The following COL5A2 variants were observed in gnomAD, a reference collection of about 807,000 sequenced individuals.
The protein encoded by COL5A2 is collagen type V alpha 2 chain.
In COL5A2, 23 loss-of-function variants were observed where a neutral mutation model predicts 208.2. The observed-to-expected ratio is 0.11, with a 90% CI of 0.08 to 0.16. The LOEUF is 0.16. Among genes scored for constraint, COL5A2 ranks in the 10% least tolerant of loss-of-function variants. The pLI is 1.00. For missense variants in COL5A2, 1,590 were observed against 1,956.4 expected (o/e 0.81, Z 3.53); for synonymous variants, 625 against 628.5 (o/e 0.99, Z 0.08).
intron 1 of COL5A2, among the ~76,000 whole-genome samples, chr2:189,191,155 A>C (rs1440146070): frequency 1.4e-5 from 1 of 70,034 alleles, no homozygotes; most frequent in African/African-American, 3.1e-5. Context: ...AAAAAAACAA[A>C]AAACAAACAA....
At chr2:189,159,371 G>C (rs1052408648) in intron 1 of COL5A2, among the ~76,000 whole-genome samples, 2 of 152,018 alleles carry the variant, frequency 1.3e-5, no homozygotes, top group African/African-American at 4.8e-5. Context: ...TGTCTAACAT[G>C]GTGCTTAGAA....
At chr2:189,273,664 A>G in the COL5A2 span, among the ~76,000 whole-genome samples, 3 of 152,304 alleles carry the variant, frequency 2.0e-5, no homozygotes, top group African/African-American at 7.2e-5. Flanking sequence ...ATGGAATACC[A>G]TTCAGCCCTA....
At chr2:189,144,650 T>C (rs1688004095) in intron 1 of COL5A2, among the ~76,000 whole-genome samples, 1 of 152,000 alleles carries the variant, frequency 6.6e-6, no homozygotes, top group Non-Finnish European at 1.5e-5. Context: ...TATACTTTTA[T>C]CAGAGTTTTT....
chr2:189,417,162 T>A, the COL5A2 span, among the ~76,000 whole-genome samples: 1 of 152,172 alleles, frequency 6.6e-6, no homozygotes, highest in Non-Finnish European at 1.5e-5. Flanking sequence ...GTTTTGATGT[T>A]GCGATTACTT....
intron 1 of COL5A2, among the ~76,000 whole-genome samples, chr2:189,123,910 G>C (rs1193492999): frequency 6.6e-6 from 1 of 152,102 alleles, no homozygotes; most frequent in African/African-American, 2.4e-5. Context: ...TATACATTGT[G>C]TTAGACAACC....
chr2:189,127,546 T>G (rs1483592097), intron 1 of COL5A2, among the ~76,000 whole-genome samples: 1 of 152,070 alleles, frequency 6.6e-6, no homozygotes, highest in Non-Finnish European at 1.5e-5. Flanking sequence ...CACTGAAAAC[T>G]ACTTGCTATG....
chr2:189,418,887 A>C, the COL5A2 span, among the ~76,000 whole-genome samples: 2 of 152,146 alleles, frequency 1.3e-5, no homozygotes, highest in Admixed American at 6.5e-5. Context: ...GAATTGGGGG[A>C]GTAAATTTAG....
intron 1 of COL5A2, among the ~76,000 whole-genome samples, chr2:189,151,020 C>T (rs1688131669): frequency 6.6e-6 from 1 of 152,062 alleles, no homozygotes; most frequent in Non-Finnish European, 1.5e-5. Context: ...TAGTCTGTAA[C>T]GTAATTTGAT....
At chr2:189,385,915 A>T in the COL5A2 span, among the ~76,000 whole-genome samples, 1 of 152,204 alleles carries the variant, frequency 6.6e-6, no homozygotes, top group South Asian at 2.1e-4. Context: ...TTATAAAGGA[A>T]GAGATTTAAC....
chr2:189,057,097 G>A, intron 34 of COL5A2, 71 bp from the exon 35 acceptor site: 1 of 1,490,650 alleles, frequency 6.7e-7, no homozygotes, highest in Non-Finnish European at 9.4e-7. Flanking sequence ...TAAGTTTCAT[G>A]AGAGTGAAGG....
At chr2:189,323,232 C>T in the COL5A2 span, among the ~76,000 whole-genome samples, 2 of 152,242 alleles carry the variant, frequency 1.3e-5, no homozygotes, top group South Asian at 4.1e-4. Flanking sequence ...TGGGCAAAAA[C>T]TGGGAGCATT....
the COL5A2 span, among the ~76,000 whole-genome samples, chr2:189,295,240 T>C: frequency 1.3e-5 from 2 of 152,342 alleles, no homozygotes; most frequent in East Asian, 1.9e-4. Flanking sequence ...GCAAAGGACA[T>C]AGTGGCAAAT....
Position 189,056,854 on chromosome 2 carries a change from C to A in COL5A2, c.2391+119G>T, listed in dbSNP as rs925046410. On this transcript the variant is annotated intron_variant, in intron 35 of 53. Transcript: ENST00000374866. ...ACAGCAGATCTCACATGCCATTATT[C>A]TCCAACTCCTGACTACCAAGGAAAC... The A allele has an allele frequency of 3.2e-6, 3 of 938,620 alleles. No individual in the cohort carries two copies. The African/African-American group carries it at 4.8e-5, about 15-fold the overall frequency. The allele number at this position is 938,620 out of a possible 1,614,324, so 58.1% of individuals were successfully genotyped here.
At position 189,097,473 on chromosome 2, in the gene COL5A2, A is replaced by G. The variant is rs72906358; in HGVS notation, c.403-143T>C. On this transcript the variant is annotated intron_variant, in intron 5 of 53. Coordinates refer to ENST00000374866, the MANE Select transcript of COL5A2 (RefSeq NM_000393.5). ...GTTGAAGACTATAGAGAATAAAGCCATGTGCATATAAAAGTTCTGTACGCT... is the reference window on the plus strand; with the variant it reads ...GTTGAAGACTATAGAGAATAAAGCCGTGTGCATATAAAAGTTCTGTACGCT... 123,959 of 855,902 alleles carry G rather than the reference A, an allele frequency of 0.14. 9,495 individuals carry two copies. Among genetic ancestry groups the G allele is most frequent in the Middle Eastern group, 0.23 (885 of 3,820 alleles). 53.0% of individuals were successfully genotyped at this position (855,902 alleles called of 1,614,324 possible).
intron 21 of COL5A2, 43 bp from the exon 22 acceptor site, chr2:189,066,825 G>A (rs577559490): frequency 6.8e-7 from 1 of 1,471,438 alleles, no homozygotes; most frequent in Admixed American, 1.7e-5. Flanking sequence ...AGGACATTTA[G>A]CTAGTCCAAT....
At chr2:189,328,090 A>G in the COL5A2 span, among the ~76,000 whole-genome samples, 1 of 152,202 alleles carries the variant, frequency 6.6e-6, no homozygotes, top group Non-Finnish European at 1.5e-5. Flanking sequence ...AATGCTCTCA[A>G]CTAAGTTCCC....
the COL5A2 span, among the ~76,000 whole-genome samples, chr2:189,315,621 G>A: frequency 6.6e-6 from 1 of 152,114 alleles, no homozygotes; most frequent in Non-Finnish European, 1.5e-5. Context: ...TATTCGAATA[G>A]GAAGAGAGGA....
intron 1 of COL5A2, among the ~76,000 whole-genome samples, chr2:189,206,371 G>C (rs537583172): frequency 3.0e-4 from 46 of 152,282 alleles, no homozygotes; most frequent in African/African-American, 1.1e-3. Flanking sequence ...AGAAACCTAA[G>C]GGCCTACACT....
the COL5A2 span, among the ~76,000 whole-genome samples, chr2:189,235,262 G>A: frequency 6.6e-6 from 1 of 151,672 alleles, no homozygotes; most frequent in Non-Finnish European, 1.5e-5. Context: ...TGTTTTAATG[G>A]CATAGAGGAG....
Sources: allele counts gnomAD v4.1 joint callset (sites outside exome capture counted in the v4.1 genomes callset), GRCh38; gene constraint gnomAD v4.1.1; transcripts MANE v1.5; gene names NCBI Gene and HGNC (gene_info 2026-07-23, HGNC 2026-07-21).